The following CRACD variants were observed in gnomAD, a reference collection of about 807,000 sequenced individuals.
CRACD encodes the protein capping protein inhibiting regulator of actin dynamics, also known as capping protein-inhibiting regulator of actin dynamics.
A neutral mutation model predicts 106.8 loss-of-function variants in CRACD; 56 were observed. The ratio of observed to expected loss-of-function variants is 0.52; its 90% CI spans 0.42 to 0.66. CRACD has a LOEUF of 0.66. CRACD is among the 30% of genes least tolerant of loss of function. CRACD has a pLI of 0.00. For synonymous variants in CRACD, 754 were observed against 670.8 expected (o/e 1.12, Z -1.92); for missense variants, 1,730 against 1,623.2 (o/e 1.07, Z -1.13).
At chr4:56,264,615 C>T (rs932099952) in intron 2 of CRACD, among the ~76,000 whole-genome samples, 1 of 152,150 alleles carries the variant, frequency 6.6e-6, no homozygotes. Flanking sequence ...GCAGTTAACA[C>T]AATCATCACA....
At chr4:56,201,088 T>A (rs1328436123) in intron 2 of CRACD, among the ~76,000 whole-genome samples, 1 of 152,236 alleles carries the variant, frequency 6.6e-6, no homozygotes, top group Non-Finnish European at 1.5e-5. Context: ...CATCCAGATA[T>A]TTTTATATGG....
At chr4:56,085,806 A>G (rs1733198777) in intron 1 of CRACD, among the ~76,000 whole-genome samples, 1 of 152,190 alleles carries the variant, frequency 6.6e-6, no homozygotes, top group Non-Finnish European at 1.5e-5. Context: ...CAATTTTTAG[A>G]TATAGGACTC....
intron 2 of CRACD, among the ~76,000 whole-genome samples, chr4:56,232,408 A>T (rs1174864772): frequency 6.6e-6 from 1 of 152,068 alleles, no homozygotes. Flanking sequence ...CTTGATGGAT[A>T]TTTGGATTGT....
intron 1 of CRACD, among the ~76,000 whole-genome samples, chr4:56,125,029 C>A (rs1177557406): frequency 1.3e-5 from 2 of 152,140 alleles, no homozygotes; most frequent in Non-Finnish European, 2.9e-5. Context: ...TCTCCTTTAA[C>A]CAGAATATCA....
At position 56,328,974 on chromosome 4, in the gene CRACD, T is replaced by C. The variant is rs1746638553; in HGVS notation, c.*1170T>C. Among the ~76,000 whole-genome samples, 1 of 152,236 alleles carries C rather than the reference T, an allele frequency of 6.6e-6. No individual in the cohort carries two copies. The highest frequency in any genetic ancestry group is 6.5e-5 in the Admixed American group (1 of 15,288). ...TAATAAGGACTTCCTGCAGAAAGTC[T>C]TTTCTTTACTATAATTGAGTAATTC... is the stretch of plus-strand genomic sequence containing the variant. On this transcript the variant is annotated 3_prime_UTR_variant, in exon 11 of 11. Transcript: ENST00000682029.
At position 56,214,681 on chromosome 4, in the gene CRACD, C is replaced by CTCTCTCTCTCTCTATA; in HGVS notation, c.-189+35252_-189+35253insCTCTCTCTCTCTATAT. On this transcript the variant is annotated intron_variant, in intron 2 of 10. Coordinates refer to ENST00000682029, the MANE Select transcript of CRACD (RefSeq NM_001393381.1). ...TCTCTCTCTCTCTCTCTCTCTCTCT[C>CTCTCTCTCTCTCTATA]TATATATATATATATCAAACAGTTA... 1.3e-3 allele frequency among the ~76,000 whole-genome samples: 102 copies of CTCTCTCTCTCTCTATA among 80,988 alleles called. 4 individuals are homozygous for CTCTCTCTCTCTCTATA. The East Asian group carries it at 0.022, about 18-fold the overall frequency. The allele number at this position is 80,988 out of a possible 152,430, so 53.1% of individuals were successfully genotyped here.
At chr4:56,290,538 T>G (rs1743645503) in intron 3 of CRACD, among the ~76,000 whole-genome samples, 1 of 152,110 alleles carries the variant, frequency 6.6e-6, no homozygotes, top group South Asian at 2.1e-4. Flanking sequence ...TGTTCTCCCA[T>G]CAATGTCTTT....
At chr4:56,070,682 G>C (rs1027800490) in intron 1 of CRACD, among the ~76,000 whole-genome samples, 1 of 152,142 alleles carries the variant, frequency 6.6e-6, no homozygotes, top group Admixed American at 6.5e-5. Flanking sequence ...AAATTCTCCA[G>C]CGTGATTCCC....
intron 2 of CRACD, among the ~76,000 whole-genome samples, chr4:56,257,484 T>A (rs916701364): frequency 6.6e-6 from 1 of 151,238 alleles, no homozygotes; most frequent in East Asian, 2.0e-4. Flanking sequence ...ACCCAAGAGT[T>A]TGAGACCAGC....
chr4:56,220,717 T>G (rs533574606), intron 2 of CRACD, among the ~76,000 whole-genome samples: 2 of 152,254 alleles, frequency 1.3e-5, no homozygotes, highest in African/African-American at 4.8e-5. Context: ...TATTCACTAC[T>G]GACTAGTACA....
intron 1 of CRACD, among the ~76,000 whole-genome samples, chr4:56,069,175 T>C (rs953337478): frequency 6.6e-6 from 1 of 152,184 alleles, no homozygotes; most frequent in Non-Finnish European, 1.5e-5. Context: ...TTCGGACTTT[T>C]GGCCTCCAGA....
intron 1 of CRACD, among the ~76,000 whole-genome samples, chr4:56,085,271 G>A (rs1474654692): frequency 6.6e-6 from 1 of 152,054 alleles, no homozygotes; most frequent in Non-Finnish European, 1.5e-5. Context: ...TACTCTCCCG[G>A]GAGTCCTTAA....
chr4:56,149,802 T>C (rs1223807008), intron 1 of CRACD, among the ~76,000 whole-genome samples: 1 of 152,240 alleles, frequency 6.6e-6, no homozygotes, highest in Non-Finnish European at 1.5e-5. Context: ...GAGATTGCTG[T>C]AATGTACTTG....
At chr4:56,325,437 C>A (rs1746379724) in intron 10 of CRACD, among the ~76,000 whole-genome samples, 1 of 152,214 alleles carries the variant, frequency 6.6e-6, no homozygotes, top group Non-Finnish European at 1.5e-5. Flanking sequence ...GTGATGGTGA[C>A]ACGTGGCTCA....
At chr4:56,269,053 T>C (rs538908530) in intron 2 of CRACD, among the ~76,000 whole-genome samples, 1 of 152,334 alleles carries the variant, frequency 6.6e-6, no homozygotes, top group South Asian at 2.1e-4. Flanking sequence ...ATTCTTGCAT[T>C]GTTATAAAGA....
At chr4:56,173,683 A>G (rs190801673) in intron 1 of CRACD, among the ~76,000 whole-genome samples, 3 of 152,340 alleles carry the variant, frequency 2.0e-5, no homozygotes, top group African/African-American at 7.2e-5. Flanking sequence ...GTTAAAATTT[A>G]TTTGTAATAA....
Position 56,255,133 on chromosome 4 carries a change from A to AAAAAAAAT in CRACD, c.-188-17187_-188-17186insAAAAAATA, listed in dbSNP as rs60416477. On this transcript the variant is annotated intron_variant, in intron 2 of 10. Coordinates refer to ENST00000682029, the MANE Select transcript of CRACD (RefSeq NM_001393381.1). The stretch of plus-strand genomic sequence containing the variant: ...CATCTCAAAAAAAAAAAAAAAAAAA[A>AAAAAAAAT]ACTAAAAATTGGCCAATGAAATCAT... Among the ~76,000 whole-genome samples the AAAAAAAAT allele has an allele frequency of 2.2e-5, 3 of 138,808 alleles. 1 individual carries two copies. Among genetic ancestry groups the AAAAAAAAT allele is most frequent in the Non-Finnish European group, 4.6e-5 (3 of 65,320 alleles). 91.1% of individuals were successfully genotyped at this position (138,808 alleles called of 152,430 possible). A position where few individuals can be genotyped will look rare whatever the true frequency, so the allele number is the denominator to read the frequency against.
intron 1 of CRACD, among the ~76,000 whole-genome samples, chr4:56,172,972 T>G (rs1166092182): frequency 2.0e-5 from 3 of 152,116 alleles, no homozygotes; most frequent in Non-Finnish European, 2.9e-5. Context: ...GTCAGGCTGG[T>G]CTCGAACTCT....
intron 2 of CRACD, among the ~76,000 whole-genome samples, chr4:56,182,776 A>C (rs1307640798): frequency 6.6e-6 from 1 of 152,052 alleles, no homozygotes; most frequent in Non-Finnish European, 1.5e-5. Flanking sequence ...TTTCCAGGGA[A>C]GTAATACTGT....
Sources: gnomAD v4.1 joint callset for allele counts (sites outside exome capture counted in the v4.1 genomes callset) on GRCh38, gnomAD v4.1.1 for gene constraint, MANE v1.5 for transcripts, NCBI Gene and HGNC (gene_info 2026-07-23, HGNC 2026-07-21) for gene names.